Variants in NUDT19 observed in about 807,000 individuals in gnomAD.
NUDT19 encodes the protein nudix hydrolase 19, also known as acyl-coenzyme A diphosphatase NUDT19.
NUDT19 carries 31 observed loss-of-function variants against 22.2 expected under a neutral mutation model. The ratio of observed to expected loss-of-function variants is 1.40; its 90% CI spans 1.05 to 1.89. The LOEUF is 1.89. Ranked by LOEUF, NUDT19 falls within the 40% of genes most tolerant of loss-of-function variation. The pLI is 0.00. For missense variants in NUDT19, 752 were observed against 514.2 expected (o/e 1.46, Z -4.47); for synonymous variants, 325 against 230.8 (o/e 1.41, Z -3.70).
At chr19:32,707,529 G>T (rs1968398992) in intron 1 of NUDT19, among the ~76,000 whole-genome samples, 1 of 152,166 alleles carries the variant, frequency 6.6e-6, no homozygotes, top group Non-Finnish European at 1.5e-5. Flanking sequence ...TGTATAAGTG[G>T]ATATTTAGTA....
chr19:32,692,297 G>C lies in NUDT19; in HGVS notation c.337G>C (p.Asp113His). ...GCCCGACACCGATGACCACAAGACCGACAACACTGGGACGCTGCCTGAGGA... is the reference window on the plus strand; with the variant it reads ...GCCCGACACCGATGACCACAAGACCCACAACACTGGGACGCTGCCTGAGGA... ...SLPDTDDHKT[D>H]NTGTLPEDVA... Residue 113 changes from aspartate to histidine, a missense_variant, in exon 1 of 3, where the codon GAC becomes CAC. By Grantham distance (81) the Asp-to-His change is moderately conservative. Coordinates refer to ENST00000397061, the MANE Select transcript of NUDT19 (RefSeq NM_001105570.2). 6.3e-7 allele frequency: 1 copy of C among 1,593,252 alleles called. No individual in the cohort carries two copies. The highest frequency in any genetic ancestry group is 8.5e-7 in the Non-Finnish European group (1 of 1,177,886).
At chr19:32,702,484 G>A (rs1243688996) in intron 1 of NUDT19, among the ~76,000 whole-genome samples, 1 of 152,066 alleles carries the variant, frequency 6.6e-6, no homozygotes, top group Non-Finnish European at 1.5e-5. Flanking sequence ...TTTCCCACCA[G>A]CCTGACTGAA....
At chr19:32,697,650 C>T (rs1322067254) in intron 1 of NUDT19, among the ~76,000 whole-genome samples, 4 of 152,176 alleles carry the variant, frequency 2.6e-5, no homozygotes, top group Non-Finnish European at 5.9e-5. Context: ...CTTTCTTCAA[C>T]TGTCATTCTA....
At chr19:32,701,361 A>G (rs1968334306) in intron 1 of NUDT19, among the ~76,000 whole-genome samples, 1 of 151,906 alleles carries the variant, frequency 6.6e-6, no homozygotes. Context: ...GCCTGCCACC[A>G]TGCCTAGCTA....
In NUDT19 at chr19:32,691,955, C is replaced by A; in HGVS notation, c.-6C>A. The A allele has an allele frequency of 2.5e-6, 3 of 1,218,952 alleles. No homozygotes were observed. The highest frequency in any genetic ancestry group is 1.0e-6 in the Non-Finnish European group (1 of 979,752). The allele number at this position is 1,218,952 out of a possible 1,614,324, so 75.5% of individuals were successfully genotyped here. On this transcript the variant is annotated 5_prime_UTR_variant, in exon 1 of 3. Coordinates refer to ENST00000397061, the MANE Select transcript of NUDT19 (RefSeq NM_001105570.2). ...CGCCAGAATCGGATCCGGGAAGCTG[C>A]GCGCCATGAGCAGCTCCCTGCGGCC...
chr19:32,698,774 C>T (rs987144408), intron 1 of NUDT19, among the ~76,000 whole-genome samples: 3 of 152,200 alleles, frequency 2.0e-5, no homozygotes, highest in Non-Finnish European at 4.4e-5. Flanking sequence ...TTCCTGTCCT[C>T]CTAGACCTCA....
rs142636976 is a variant in NUDT19 at position 32,712,245 on chromosome 19, T to C, written c.*288T>C. On this transcript the variant is annotated 3_prime_UTR_variant, in exon 3 of 3. Coordinates refer to ENST00000397061, the MANE Select transcript of NUDT19 (RefSeq NM_001105570.2). ...GCCCGCCACCATGCCCAGCTAATTT[T>C]TTTTTGTATTTTTAGTAGAGACGGG... The C allele has an allele frequency of 7.1e-4, 192 of 270,304 alleles. No individual in the cohort carries two copies. The highest frequency in any genetic ancestry group is 4.0e-3 in the African/African-American group (176 of 44,308). 16.7% of individuals were successfully genotyped at this position (270,304 alleles called of 1,614,324 possible).
chr19:32,700,321 C>A (rs912259542), intron 1 of NUDT19, among the ~76,000 whole-genome samples: 10 of 152,162 alleles, frequency 6.6e-5, no homozygotes, highest in African/African-American at 2.2e-4. Context: ...TATTTACAAA[C>A]CTTTAGCTAG....
intron 1 of NUDT19, among the ~76,000 whole-genome samples, chr19:32,698,522 C>G (rs1968292824): frequency 1.3e-5 from 2 of 152,086 alleles, no homozygotes; most frequent in South Asian, 4.1e-4. Context: ...GCAGAAACAC[C>G]TCTTGCCCAA....
At chr19:32,702,964 A>G (rs1158454610) in intron 1 of NUDT19, among the ~76,000 whole-genome samples, 1 of 152,128 alleles carries the variant, frequency 6.6e-6, no homozygotes, top group Non-Finnish European at 1.5e-5. Flanking sequence ...CTTTTATTAT[A>G]AACTCTACAA....
chr19:32,709,135 A>T (rs1460113347), intron 1 of NUDT19, 50 bp from the exon 2 acceptor site: 4 of 1,285,468 alleles, frequency 3.1e-6, no homozygotes, highest in Non-Finnish European at 4.5e-6. Flanking sequence ...CTCAAGTCTC[A>T]CATTGTCTAT....
chr19:32,695,877 C>T (rs986378451), intron 1 of NUDT19, among the ~76,000 whole-genome samples: 6 of 152,166 alleles, frequency 3.9e-5, no homozygotes, highest in East Asian at 1.9e-4. Context: ...TTCTAAGGCT[C>T]GGGTAAGTGC....
At chr19:32,696,652 G>C (rs947538902) in intron 1 of NUDT19, among the ~76,000 whole-genome samples, 2 of 152,168 alleles carry the variant, frequency 1.3e-5, no homozygotes, top group East Asian at 3.9e-4. Context: ...CCTAATAAGG[G>C]TGTGGGACTT....
rs75564582 is a variant in NUDT19, at chr19:32,692,253, G to T, written c.293G>T (p.Arg98Leu). 1.3e-6 allele frequency: 2 copies of T among 1,591,964 alleles called. No individual in the cohort carries two copies. The highest frequency in any genetic ancestry group is 1.7e-6 in the Non-Finnish European group (2 of 1,177,430). ...RFGLGPAPFS[R>L]TAFPSLPDTD... ...GGCCTGGGCCCGGCGCCATTCAGCC[G>T]CACCGCTTTCCCGTCGCTGCCCGAC... The change falls in exon 1 of 3, where the codon CGC becomes CTC. Residue 98 changes from arginine (R) to leucine (L), a missense_variant. Transcript: ENST00000397061.
Position 32,692,529 on chromosome 19 carries a change from A to G in NUDT19, c.569A>G (p.Asp190Gly). Residue 190 changes from aspartate (D) to glycine (G), a missense_variant, in exon 1 of 3, where the codon GAC becomes GGC. Coordinates refer to ENST00000397061, the MANE Select transcript of NUDT19 (RefSeq NM_001105570.2). ...TGCGCCCACCTCGACTGCACACCCG[A>G]CATCTGGGCGCTGCACAACTGGAGC... Reference protein sequence around the residue: ...RLCAHLDCTPDIWALHNWSAW... With the variant: ...RLCAHLDCTPGIWALHNWSAW... The G allele has an allele frequency of 1.3e-6, 2 of 1,585,290 alleles. No individual in the cohort carries two copies. Among genetic ancestry groups the G allele is most frequent in the Non-Finnish European group, 1.7e-6 (2 of 1,168,728 alleles).
At chr19:32,707,731 C>G (rs573031639) in intron 1 of NUDT19, among the ~76,000 whole-genome samples, 1 of 152,242 alleles carries the variant, frequency 6.6e-6, no homozygotes, top group African/African-American at 2.4e-5. Context: ...GTAATCCCAG[C>G]ACTTTGAGAG....
At chr19:32,697,213 T>C (rs1473889563) in intron 1 of NUDT19, among the ~76,000 whole-genome samples, 1 of 152,148 alleles carries the variant, frequency 6.6e-6, no homozygotes, top group Non-Finnish European at 1.5e-5. Context: ...ACTTTTACTT[T>C]TGGGCCTGTC....
Position 32,692,304 on chromosome 19 carries a change from C to G in NUDT19, c.344C>G (p.Thr115Ser), listed in dbSNP as rs751241645. 3.8e-6 allele frequency: 6 copies of G among 1,593,290 alleles called. No individual in the cohort carries two copies. Among genetic ancestry groups the G allele is most frequent in the South Asian group, 1.1e-5 (1 of 90,470 alleles). The change falls in exon 1 of 3, where the codon ACT becomes AGT. Residue 115 changes from threonine (T) to serine (S), a missense_variant. By Grantham distance (58) the Thr-to-Ser change is moderately conservative (BLOSUM62 1). Coordinates refer to ENST00000397061, the MANE Select transcript of NUDT19 (RefSeq NM_001105570.2). ...ACCGATGACCACAAGACCGACAACA[C>G]TGGGACGCTGCCTGAGGACGTAGCC... Reference protein sequence around the residue: ...PDTDDHKTDNTGTLPEDVAFR... With the variant: ...PDTDDHKTDNSGTLPEDVAFR...
At chr19:32,693,027 C>T (rs1294576091) in intron 1 of NUDT19, among the ~76,000 whole-genome samples, 1 of 152,168 alleles carries the variant, frequency 6.6e-6, no homozygotes, top group African/African-American at 2.4e-5. Context: ...ATCCAGTCTT[C>T]CTATTTTTAT....
Sources: allele counts gnomAD v4.1 joint callset (sites outside exome capture counted in the v4.1 genomes callset), GRCh38; gene constraint gnomAD v4.1.1; transcripts MANE v1.5; gene names NCBI Gene and HGNC (gene_info 2026-07-23, HGNC 2026-07-21).